Variants in UBE2J2 observed in about 807,000 individuals in gnomAD.
The protein encoded by UBE2J2 is ubiquitin-conjugating enzyme E2 J2.
A neutral mutation model predicts 28.6 loss-of-function variants in UBE2J2; 5 were observed. That is an observed-to-expected ratio of 0.17 (90% CI 0.09 to 0.37). UBE2J2 has a LOEUF of 0.37. Ranked by LOEUF, UBE2J2 falls within the 10% of genes least tolerant of loss-of-function variation. The pLI is 1.00. For missense variants in UBE2J2, 226 were observed against 338.9 expected (o/e 0.67, Z 2.62); for synonymous variants, 138 against 139.7 (o/e 0.99, Z 0.09).
intron 3 of UBE2J2, among the ~76,000 whole-genome samples, chr1:1,259,072 T>C (rs958443117): frequency 1.3e-5 from 2 of 149,598 alleles, no homozygotes; most frequent in Admixed American, 1.3e-4. Context: ...CATGTGTGTG[T>C]GCATGCCATC....
chr1:1,257,416 G>A lies in UBE2J2; in HGVS notation c.173-106C>T, dbSNP rs111483377. The A allele has an allele frequency of 9.0e-3, 4,835 of 536,780 alleles. 142 individuals are homozygous for A. The highest frequency in any genetic ancestry group is 0.072 in the African/African-American group (1,158 of 16,078). 33.3% of individuals were successfully genotyped at this position (536,780 alleles called of 1,614,324 possible). A position where few individuals can be genotyped will look rare whatever the true frequency, so the allele number is the denominator to read the frequency against. On this transcript the variant is annotated intron_variant, in intron 3 of 6. Transcript: ENST00000349431. The stretch of plus-strand genomic sequence containing the variant: ...CCACCCCCCCCCCCCCCCTCAGCTC[G>A]GCTCCCGAGTCCTCATTGCACTCTC...
rs1034542978 is a variant in UBE2J2, at chr1:1,254,056, G to A, written c.*1147C>T. Reference sequence around the variant, plus strand: ...CGCGTGCGGGCTGGGCTTGTCTCACGCCCGCCTCCGGACAGGGTGGGTTTC... The same window carrying A: ...CGCGTGCGGGCTGGGCTTGTCTCACACCCGCCTCCGGACAGGGTGGGTTTC... On this transcript the variant is annotated 3_prime_UTR_variant, in exon 7 of 7. Coordinates refer to ENST00000349431, the MANE Select transcript of UBE2J2 (RefSeq NM_058167.3). 6.6e-6 allele frequency: 1 copy of A among 152,216 alleles called. No individual in the cohort carries two copies. The highest frequency in any genetic ancestry group is 2.4e-5 in the African/African-American group (1 of 41,452). 9.4% of individuals were successfully genotyped at this position (152,216 alleles called of 1,614,324 possible).
chr1:1,266,979 C>T (rs926761404), intron 2 of UBE2J2, among the ~76,000 whole-genome samples: 3 of 152,026 alleles, frequency 2.0e-5, no homozygotes. Context: ...AGCTCCGCCT[C>T]CCGGGTTCAA....
intron 2 of UBE2J2, chr1:1,263,621 C>A: frequency 2.3e-6 from 1 of 435,970 alleles, no homozygotes; most frequent in African/African-American, 2.0e-5. Context: ...TATAAGTTTA[C>A]CATAAAGTAC....
chr1:1,261,365 A>G (rs1156497344), intron 3 of UBE2J2, among the ~76,000 whole-genome samples: 2 of 152,168 alleles, frequency 1.3e-5, no homozygotes, highest in African/African-American at 2.4e-5. Context: ...GAACAACGGA[A>G]GCGATGGGAG....
At chr1:1,272,798 C>G (rs897153413) in intron 1 of UBE2J2, 1 of 159,108 alleles carries the variant, frequency 6.3e-6, no homozygotes, top group African/African-American at 2.4e-5. Flanking sequence ...AAGTTCCGGG[C>G]ACCCAGACCC....
Position 1,257,316 on chromosome 1 carries a change from T to TAAGGGGTCATCTCTGGGCCTC in UBE2J2, c.173-7_173-6insGAGGCCCAGAGATGACCCCTT. Reference sequence around the variant, plus strand: ...TTTTCCATGATAATAGCCACCTACATGGAAACAAAACAGAAAGGGCCTTGT... The same window carrying TAAGGGGTCATCTCTGGGCCTC: ...TTTTCCATGATAATAGCCACCTACATAAGGGGTCATCTCTGGGCCTCGGAAACAAAACAGAAAGGGCCTTGT... On this transcript the variant is annotated splice_region_variant and splice_polypyrimidine_tract_variant and intron_variant, in intron 3 of 6. Transcript: ENST00000349431. 6.3e-7 allele frequency: 1 copy of TAAGGGGTCATCTCTGGGCCTC among 1,587,944 alleles called. No homozygotes were observed.
At chr1:1,257,351 C>T (rs373429107) in intron 3 of UBE2J2, 41 bp from the exon 4 acceptor site, 137 of 1,295,386 alleles carry the variant, frequency 1.1e-4, no homozygotes, top group Non-Finnish European at 1.4e-4. Context: ...TCGTCCGCCA[C>T]AGCAGGGGCT....
chr1:1,265,243 A>C (rs1356886373), intron 2 of UBE2J2, among the ~76,000 whole-genome samples: 1 of 152,122 alleles, frequency 6.6e-6, no homozygotes, highest in Non-Finnish European at 1.5e-5. Flanking sequence ...GGGAAGGGAG[A>C]GACACCTGCC....
In UBE2J2 at chr1:1,272,743, T is replaced by G. The variant is rs377484844; in HGVS notation, c.-1+923A>C. 716 of 170,984 alleles carry G rather than the reference T, an allele frequency of 4.2e-3. 6 individuals are homozygous for G. Among genetic ancestry groups the G allele is most frequent in the African/African-American group, 0.017 (663 of 39,592 alleles). 10.6% of individuals were successfully genotyped at this position (170,984 alleles called of 1,614,324 possible). ...CGCACATCCCTGCCGAGAGTGGAAC[T>G]GCTAAGGAGGTCAGCGGTGCCAGGC... On this transcript the variant is annotated intron_variant, in intron 1 of 6. Coordinates refer to ENST00000349431, the MANE Select transcript of UBE2J2 (RefSeq NM_058167.3).
intron 6 of UBE2J2, 57 bp from the exon 7 acceptor site, chr1:1,255,544 A>G (rs1639124758): frequency 1.9e-6 from 3 of 1,556,842 alleles, no homozygotes; most frequent in East Asian, 2.3e-5. Flanking sequence ...TTTCAGGACC[A>G]GCACTCCCGT....
Position 1,268,587 on chromosome 1 carries a change from G to A in UBE2J2, c.1-595C>T, listed in dbSNP as rs1357883266. ...CAGAGCAGCTGTCTTCCTGGTAGAA[G>A]GGGCCACAGGTGAACAGGCCACACC... On this transcript the variant is annotated intron_variant, in intron 1 of 6. Transcript: ENST00000349431. This position sits in a 1 kb window ranked among gnomAD's most constrained non-coding sequence, Gnocchi z 4.7. Among the ~76,000 whole-genome samples the A allele has an allele frequency of 6.6e-6, 1 of 152,214 alleles. No individual in the cohort carries two copies. The highest frequency in any genetic ancestry group is 1.5e-5 in the Non-Finnish European group (1 of 68,036).
chr1:1,258,091 G>A (rs1557551373), intron 3 of UBE2J2, among the ~76,000 whole-genome samples: 1 of 151,896 alleles, frequency 6.6e-6, no homozygotes, highest in Non-Finnish European at 1.5e-5. Context: ...CCAGGCTGGA[G>A]TGCAGTGGCT....
At chr1:1,257,476 T>TGACC (rs1639272946) in intron 3 of UBE2J2, among the ~76,000 whole-genome samples, 166 bp from the exon 4 acceptor site, 1 of 137,438 alleles carries the variant, frequency 7.3e-6, no homozygotes, top group Non-Finnish European at 1.5e-5. Context: ...AGTCCCCCAC[T>TGACC]GACCTTGCTC....
rs538558037 is a variant in UBE2J2, at chr1:1,268,852, T to A, written c.1-860A>T. On this transcript the variant is annotated intron_variant, in intron 1 of 6. Transcript: ENST00000349431. This position sits in a 1 kb window ranked among gnomAD's most constrained non-coding sequence, Gnocchi z 4.7. Reference sequence around the variant, plus strand: ...GCCACCACGCCTAGCTAATTTTTTTTTTTTTGTAGAGCTGGGATCTCACTA... The same window carrying A: ...GCCACCACGCCTAGCTAATTTTTTTATTTTTGTAGAGCTGGGATCTCACTA... Among the ~76,000 whole-genome samples the A allele has an allele frequency of 1.4e-5, 2 of 146,026 alleles. No homozygotes were observed. The highest frequency in any genetic ancestry group is 3.9e-4 in the East Asian group (2 of 5,176).
chr1:1,272,191 G>A (rs1640188725), intron 1 of UBE2J2, among the ~76,000 whole-genome samples: 1 of 151,930 alleles, frequency 6.6e-6, no homozygotes, highest in South Asian at 2.1e-4. Context: ...TGTGAGAACA[G>A]AGTTTGAAGC....
At chr1:1,272,658 GCTCACCTGCCTGTCACTCAAGCA>G (rs1640215161) in intron 1 of UBE2J2, among the ~76,000 whole-genome samples, 2 of 152,056 alleles carry the variant, frequency 1.3e-5, no homozygotes, top group South Asian at 2.1e-4. Context: ...TACCTGCCTG[GCTCACCTGCCTGTCACTCAAGCA>G]CTCACCTACC....
intron 3 of UBE2J2, among the ~76,000 whole-genome samples, chr1:1,258,336 C>A (rs1639332362): frequency 6.6e-6 from 1 of 152,182 alleles, no homozygotes; most frequent in Non-Finnish European, 1.5e-5. Flanking sequence ...CCACCTCCCC[C>A]AGCCATACCA....
chr1:1,255,396 T>C lies in UBE2J2; in HGVS notation c.587A>G (p.His196Arg). ...CAGCTGAATCCCGTTCTGGACGAGGTGCGTCTCCCCGTCTGGAACCACGTC... is the reference window on the plus strand; with the variant it reads ...CAGCTGAATCCCGTTCTGGACGAGGCGCGTCTCCCCGTCTGGAACCACGTC... ...LPDVVPDGET[H>R]LVQNGIQLLN... Residue 196 changes from histidine (H) to arginine (R), a missense_variant, in exon 7 of 7, where the codon CAC (histidine) becomes CGC (arginine). Physicochemically the swap from His to Arg is conservative, Grantham distance 29. Around this residue, in one of 3 missense-constraint regions of UBE2J2, gnomAD observed 133 missense variants for 161.5 expected, o/e 0.82. Coordinates refer to ENST00000349431, the MANE Select transcript of UBE2J2 (RefSeq NM_058167.3). 6.2e-7 allele frequency: 1 copy of C among 1,613,736 alleles called. No homozygotes were observed. Among genetic ancestry groups the C allele is most frequent in the Non-Finnish European group, 8.5e-7 (1 of 1,179,996 alleles).
Sources: allele counts gnomAD v4.1 joint callset (sites outside exome capture counted in the v4.1 genomes callset), GRCh38; gene constraint gnomAD v4.1.1; regional missense constraint gnomAD v4.1.1; non-coding constraint Gnocchi (gnomAD v3.1); transcripts MANE v1.5; gene names NCBI Gene and HGNC (gene_info 2026-07-23, HGNC 2026-07-21).